KIAA1671: variants seen among roughly 807,000 people sequenced by gnomAD.
KIAA1671 encodes KIAA1671.
Under a neutral mutation model 131.2 loss-of-function variants are expected in KIAA1671, and 52 were observed. The ratio of observed to expected loss-of-function variants is 0.40; its 90% CI spans 0.32 to 0.50. The LOEUF is 0.50. KIAA1671 is among the 20% of genes least tolerant of loss of function. The pLI, the probability that KIAA1671 is intolerant of heterozygous loss-of-function variation, is 0.73. For synonymous variants in KIAA1671, 1,003 were observed against 961.6 expected (o/e 1.04, Z -0.80); for missense variants, 2,360 against 2,364.2 (o/e 1.00, Z 0.04).
intron 8 of KIAA1671, chr22:25,177,027 T>C: frequency 3.1e-6 from 1 of 317,742 alleles, no homozygotes; most frequent in African/African-American, 2.1e-5. Context: ...GTAGATTACA[T>C]GCTTGTGTGG....
At chr22:25,161,926 G>A (rs1180543681) in intron 6 of KIAA1671, among the ~76,000 whole-genome samples, 1 of 152,052 alleles carries the variant, frequency 6.6e-6, no homozygotes, top group Non-Finnish European at 1.5e-5. Context: ...AATGGTTATT[G>A]AGGACCCAGG....
At chr22:25,190,292 G>T (rs191273982) in intron 11 of KIAA1671, among the ~76,000 whole-genome samples, 1 of 152,078 alleles carries the variant, frequency 6.6e-6, no homozygotes, top group African/African-American at 2.4e-5. Context: ...TCACAATAGG[G>T]TTCACACTCC....
At chr22:25,050,543 G>A (rs372217853) in intron 6 of KIAA1671, 168 of 152,316 alleles carry the variant, frequency 1.1e-3, no homozygotes, top group African/African-American at 4.0e-3. Flanking sequence ...ATCCCTTCCA[G>A]TTTTATGGCC....
intron 1 of KIAA1671, among the ~76,000 whole-genome samples, chr22:25,006,619 A>T (rs1924765311): frequency 6.6e-6 from 1 of 152,186 alleles, no homozygotes; most frequent in Non-Finnish European, 1.5e-5. Flanking sequence ...ATTGTGCTGT[A>T]ACAGATTCTC....
At chr22:25,141,343 C>T (rs542850886) in intron 6 of KIAA1671, among the ~76,000 whole-genome samples, 1 of 152,252 alleles carries the variant, frequency 6.6e-6, no homozygotes, top group South Asian at 2.1e-4. Flanking sequence ...CGCCATTCTC[C>T]TGCCTCAGCC....
At chr22:24,972,478 A>G (rs1479723153) in intron 1 of KIAA1671, among the ~76,000 whole-genome samples, 1 of 151,632 alleles carries the variant, frequency 6.6e-6, no homozygotes, top group East Asian at 1.9e-4. Context: ...GCATCCATCC[A>G]TCCATCCATA....
intron 1 of KIAA1671, among the ~76,000 whole-genome samples, chr22:25,020,485 G>A (rs1331507946): frequency 5.3e-5 from 8 of 152,194 alleles, no homozygotes; most frequent in Non-Finnish European, 1.0e-4. Flanking sequence ...TTTGCACACC[G>A]ACTTTATGCC....
chr22:25,173,473 TC>T (rs1413872483), intron 7 of KIAA1671, among the ~76,000 whole-genome samples: 1 of 152,182 alleles, frequency 6.6e-6, no homozygotes, highest in African/African-American at 2.4e-5. Context: ...CACCTGCTCT[TC>T]CATAGGTAAC....
intron 1 of KIAA1671, among the ~76,000 whole-genome samples, chr22:25,017,840 C>T (rs1925413276): frequency 6.6e-6 from 1 of 152,192 alleles, no homozygotes; most frequent in Admixed American, 6.5e-5. Context: ...ACAAAAGTGT[C>T]TTCGGTGTAA....
rs1294138652 is a variant in KIAA1671, at chr22:25,040,660, G to A, written c.3530G>A (p.Arg1177Lys). 7.7e-6 allele frequency: 12 copies of A among 1,551,986 alleles called. No individual in the cohort carries two copies. In the Admixed American group the frequency reaches 1.8e-4, roughly 23 times the overall value. ...CGTCCAAAAGATCTTCCTGTGAGAA[G>A]GAAGACTGATGTGATCAGTGACACG... ...RSRPKDLPVR[R>K]KTDVISDTFP... Residue 1177 changes from arginine to lysine, a missense_variant, in exon 5 of 13, where the codon AGG (arginine) becomes AAG (lysine). By Grantham distance (26) the Arg-to-Lys change is conservative. Transcript: ENST00000358431.
At chr22:25,147,447 C>G (rs1932903216) in intron 6 of KIAA1671, among the ~76,000 whole-genome samples, 1 of 152,144 alleles carries the variant, frequency 6.6e-6, no homozygotes, top group African/African-American at 2.4e-5. Context: ...CCTGCCTCGG[C>G]CTCCCACAGT....
Position 25,041,162 on chromosome 22 carries a change from C to T in KIAA1671, c.4032C>T (p.Tyr1344=). Residue 1344 remains tyrosine, a synonymous_variant, in exon 5 of 13, where the codon TAC becomes TAT. Coordinates refer to ENST00000358431, the MANE Select transcript of KIAA1671 (RefSeq NM_001145206.2). ...ATCATGTTGCAAAGTGTCAGAATTA[C>T]CTGGCTGAGTCAAAGCCCTCTGGTC... is the stretch of plus-strand genomic sequence containing the variant. ...SKHHVAKCQN[Y]LAESKPSGRE... 1 of 1,551,668 alleles carries T rather than the reference C, an allele frequency of 6.4e-7. No homozygotes were observed. The highest frequency in any genetic ancestry group is 8.7e-7 in the Non-Finnish European group (1 of 1,146,944).
At chr22:25,123,190 G>GTTTTTTT (rs59051108) in intron 6 of KIAA1671, among the ~76,000 whole-genome samples, 1 of 63,396 alleles carries the variant, frequency 1.6e-5, no homozygotes, top group Non-Finnish European at 2.6e-5. Flanking sequence ...CTGAGATGAG[G>GTTTTTTT]TTTTTTTTTT....
intron 1 of KIAA1671, chr22:25,013,234 G>A (rs1925131706): frequency 1.3e-5 from 2 of 152,218 alleles, no homozygotes; most frequent in African/African-American, 4.8e-5. Flanking sequence ...GTGGGAATCA[G>A]GCAAATGGAC....
At chr22:25,148,972 C>T (rs1378186961) in intron 6 of KIAA1671, among the ~76,000 whole-genome samples, 1 of 152,156 alleles carries the variant, frequency 6.6e-6, no homozygotes, top group African/African-American at 2.4e-5. Context: ...GAGCGAATTC[C>T]GAAAAGCTCC....
At chr22:25,149,207 C>G (rs1328905905) in intron 6 of KIAA1671, among the ~76,000 whole-genome samples, 2 of 152,292 alleles carry the variant, frequency 1.3e-5, no homozygotes, top group Non-Finnish European at 1.5e-5. Flanking sequence ...GTGACTTGCC[C>G]AAGGCTGCAC....
intron 1 of KIAA1671, among the ~76,000 whole-genome samples, chr22:24,991,501 C>CA (rs60176956): frequency 1 from 151,605 of 151,944 alleles, 75,636 homozygotes; most frequent in Middle Eastern, 1. Context: ...CTTGCTTTGT[C>CA]CCCAGGCTGG....
chr22:25,171,785 A>G (rs1933858308), intron 7 of KIAA1671, among the ~76,000 whole-genome samples: 2 of 152,156 alleles, frequency 1.3e-5, no homozygotes, highest in African/African-American at 4.8e-5. Context: ...CCATAGAGAC[A>G]GAAAACAGAT....
At chr22:24,965,993 G>A (rs913609965) in intron 1 of KIAA1671, among the ~76,000 whole-genome samples, 13 of 152,210 alleles carry the variant, frequency 8.5e-5, no homozygotes, top group African/African-American at 3.1e-4. Context: ...AAAAATGGTA[G>A]TGTTATTCCC....
Sources: allele counts gnomAD v4.1 joint callset (sites outside exome capture counted in the v4.1 genomes callset), GRCh38; gene constraint gnomAD v4.1.1; transcripts MANE v1.5; gene names NCBI Gene and HGNC (gene_info 2026-07-23, HGNC 2026-07-21).